The following MYZAP variants were observed in gnomAD, a reference collection of about 807,000 sequenced individuals.
The protein encoded by MYZAP is myocardial zonula adherens protein, also known as GRINL1A complex locus upstream.
MYZAP carries 66 observed loss-of-function variants against 69.4 expected under a neutral mutation model. The observed-to-expected ratio is 0.95, with a 90% CI of 0.78 to 1.17. MYZAP has a LOEUF of 1.17. Among genes scored for constraint, MYZAP ranks in the 50% most tolerant of loss-of-function variants. The pLI is 0.00. For missense variants in MYZAP, 611 were observed against 556.2 expected (o/e 1.10, Z -0.99); for synonymous variants, 256 against 205.9 (o/e 1.24, Z -2.09).
intron 4 of MYZAP, among the ~76,000 whole-genome samples, chr15:57,625,321 G>A (rs542738909): frequency 2.6e-5 from 4 of 152,262 alleles, no homozygotes; most frequent in African/African-American, 4.8e-5. Flanking sequence ...TGATCCGACC[G>A]CCTCGGCCTC....
chr15:57,621,502 G>A lies in MYZAP; in HGVS notation c.319-106G>A, dbSNP rs1289634150. On this transcript the variant is annotated intron_variant, in intron 3 of 12. Transcript: ENST00000267853. ...GCTGGGATTACAGGCTTGAGCCACCGCACCTGGCCGGGGTCCTTCTTTCTT... is the reference window on the plus strand; with the variant it reads ...GCTGGGATTACAGGCTTGAGCCACCACACCTGGCCGGGGTCCTTCTTTCTT... 3.4e-5 allele frequency: 44 copies of A among 1,308,048 alleles called. No homozygotes were observed. In the Admixed American group the frequency reaches 7.2e-4, roughly 21 times the overall value. The allele number at this position is 1,308,048 out of a possible 1,614,324, so 81.0% of individuals were successfully genotyped here.
chr15:57,624,700 G>A (rs1482433667), intron 4 of MYZAP, among the ~76,000 whole-genome samples: 1 of 152,196 alleles, frequency 6.6e-6, no homozygotes. Context: ...CAGAAACCCT[G>A]TCTCTCTGCC....
intron 2 of MYZAP, among the ~76,000 whole-genome samples, chr15:57,617,392 T>C (rs1193485602): frequency 6.6e-6 from 1 of 152,114 alleles, no homozygotes; most frequent in Admixed American, 6.5e-5. Context: ...TTCTCAAGGG[T>C]ATTTGCATTT....
chr15:57,680,779 G>A (rs1278418666), intron 12 of MYZAP: 2 of 152,172 alleles, frequency 1.3e-5, no homozygotes, highest in Non-Finnish European at 2.9e-5. Flanking sequence ...GGTCATAAGT[G>A]CTCAGCACGT....
In MYZAP at chr15:57,639,527, C is replaced by G; in HGVS notation, c.1101C>G (p.Val367=). 1.2e-6 allele frequency: 2 copies of G among 1,613,862 alleles called. No individual in the cohort carries two copies. The highest frequency in any genetic ancestry group is 8.5e-7 in the Non-Finnish European group (1 of 1,179,922). ...DDMVHCQQKK[V]KQMVEEIESL... ...TGGTGCATTGCCAGCAGAAGAAAGT[C>G]AAGCAGATGGTCGAGGAGGTAAGCA... is the stretch of plus-strand genomic sequence containing the variant. The change falls in exon 10 of 13, where the codon GTC becomes GTG. Residue 367 remains valine, a synonymous_variant. Coordinates refer to ENST00000267853, the MANE Select transcript of MYZAP (RefSeq NM_001018100.5).
At position 57,609,332 on chromosome 15, in the gene MYZAP, T is replaced by C. The variant is rs115672469; in HGVS notation, c.162+4977T>C. On this transcript the variant is annotated intron_variant, in intron 2 of 12. Coordinates refer to ENST00000267853, the MANE Select transcript of MYZAP (RefSeq NM_001018100.5). ...TATTCTGTCACGGTTCTGGAGTTCA[T>C]ATGTCTGGGATCAAGGTGCTGGTGG... 8.2e-3 allele frequency among the ~76,000 whole-genome samples: 1,250 copies of C among 152,312 alleles called. 25 individuals carry two copies. Among genetic ancestry groups the C allele is most frequent in the African/African-American group, 0.029 (1,198 of 41,564 alleles).
intron 1 of MYZAP, among the ~76,000 whole-genome samples, chr15:57,593,152 G>A (rs1228467022): frequency 4.3e-5 from 5 of 115,404 alleles, no homozygotes; most frequent in Admixed American, 9.6e-5. Context: ...GTGTGTGTGC[G>A]TGCACTCACC....
At chr15:57,656,191 A>G (rs1449252229) in intron 10 of MYZAP, among the ~76,000 whole-genome samples, 1 of 152,208 alleles carries the variant, frequency 6.6e-6, no homozygotes, top group African/African-American at 2.4e-5. Context: ...GTGTTTAGCA[A>G]GATCATCTTG....
chr15:57,600,057 A>G (rs1235154129), intron 1 of MYZAP, among the ~76,000 whole-genome samples: 3 of 151,444 alleles, frequency 2.0e-5, no homozygotes, highest in African/African-American at 7.3e-5. Context: ...CCTTAAGAAT[A>G]TCTTCCGCCT....
At chr15:57,599,481 C>T (rs1203766099) in intron 1 of MYZAP, 3 of 1,190,410 alleles carry the variant, frequency 2.5e-6, no homozygotes, top group Non-Finnish European at 3.2e-6. Flanking sequence ...CTGGAAGGAA[C>T]CCTTGCCCCC....
At chr15:57,647,110 C>G (rs1014562798) in intron 10 of MYZAP, 10 of 985,312 alleles carry the variant, frequency 1.0e-5, no homozygotes, top group Middle Eastern at 5.2e-4. Flanking sequence ...ACTCCTATCA[C>G]TCCTTCATGG....
Position 57,618,115 on chromosome 15 carries a change from A to G in MYZAP, c.245A>G (p.Asn82Ser), listed in dbSNP as rs779445376. The change falls in exon 3 of 13, where the codon AAT becomes AGT. Residue 82 changes from asparagine (N) to serine (S), a missense_variant. Transcript: ENST00000267853. ...VYGVVRRSDQ[N>S]QQKEMVVYGW... ...GGTGTGGTGCGAAGATCAGATCAAA[A>G]TCAGCAGAAAGAAATGGTGGTGTAT... 6.2e-7 allele frequency: 1 copy of G among 1,614,234 alleles called. No individual in the cohort carries two copies. Among genetic ancestry groups the G allele is most frequent in the South Asian group, 1.1e-5 (1 of 91,076 alleles).
intron 2 of MYZAP, among the ~76,000 whole-genome samples, chr15:57,604,740 G>A (rs2034638050): frequency 6.6e-6 from 1 of 152,224 alleles, no homozygotes; most frequent in Non-Finnish European, 1.5e-5. Context: ...GCAGCTTGGA[G>A]CAGCAGCCGG....
At chr15:57,684,303 A>T in intron 12 of MYZAP, 99 bp from the exon 13 acceptor site, 1 of 760,042 alleles carries the variant, frequency 1.3e-6, no homozygotes, top group Non-Finnish European at 2.3e-6. Context: ...TTATTTTTAA[A>T]CACTTAAACA....
chr15:57,623,074 T>A (rs1237362363), intron 4 of MYZAP, among the ~76,000 whole-genome samples: 1 of 152,194 alleles, frequency 6.6e-6, no homozygotes, highest in Admixed American at 6.5e-5. Context: ...AGAGCTCTTT[T>A]GTGTATGACA....
intron 10 of MYZAP, among the ~76,000 whole-genome samples, chr15:57,643,686 G>A (rs1044142310): frequency 1.3e-5 from 2 of 152,168 alleles, no homozygotes; most frequent in East Asian, 3.9e-4. Context: ...TTTGCCAATG[G>A]GCAGGGATAT....
rs751584573 is a variant in MYZAP, at chr15:57,604,339, T to C, written c.146T>C (p.Ile49Thr). Residue 49 changes from isoleucine to threonine, a missense_variant, in exon 2 of 13, where the codon ATT (isoleucine) becomes ACT (threonine). By Grantham distance (89) the Ile-to-Thr change is moderately conservative (BLOSUM62 -1). Coordinates refer to ENST00000267853, the MANE Select transcript of MYZAP (RefSeq NM_001018100.5). The part of the protein sequence containing the change: ...SPVPEQCEKK[I>T]ERKEQLLDLS... Reference sequence around the variant, plus strand: ...GTTCCTGAGCAATGTGAAAAGAAGATTGAGAGAAAAGAGCAGGTAAGGTAT... The same window carrying C: ...GTTCCTGAGCAATGTGAAAAGAAGACTGAGAGAAAAGAGCAGGTAAGGTAT... 6.2e-6 allele frequency: 10 copies of C among 1,614,120 alleles called. No individual in the cohort carries two copies. Among genetic ancestry groups the C allele is most frequent in the African/African-American group, 2.7e-5 (2 of 75,028 alleles).
At position 57,637,769 on chromosome 15, in the gene MYZAP, G is replaced by A. The variant is rs1256709847; in HGVS notation, c.1008G>A (p.Lys336=). The change falls in exon 9 of 13, where the codon AAG becomes AAA. Residue 336 remains lysine, a synonymous_variant. Transcript: ENST00000267853. ...EMSGELTDSD[K]ERYQQLEEAS... is the part of the protein sequence containing the mutation. ...CTGGGGAGTTAACTGATTCTGACAA[G>A]GAAAGGTAAGACGTAATGCCTTTCG... 6.2e-7 allele frequency: 1 copy of A among 1,609,316 alleles called. No homozygotes were observed. The highest frequency in any genetic ancestry group is 8.5e-7 in the Non-Finnish European group (1 of 1,177,412).
At chr15:57,618,299 T>G in intron 3 of MYZAP, 111 bp downstream of exon 3, 2 of 1,458,394 alleles carry the variant, frequency 1.4e-6, no homozygotes, top group Non-Finnish European at 9.2e-7. Context: ...AAAGAATTCT[T>G]AGTGTTATCA....
Sources: gnomAD v4.1 joint callset for allele counts (sites outside exome capture counted in the v4.1 genomes callset) on GRCh38, gnomAD v4.1.1 for gene constraint, MANE v1.5 for transcripts, NCBI Gene and HGNC (gene_info 2026-07-23, HGNC 2026-07-21) for gene names.